Variants in PKN2 observed in about 807,000 individuals in gnomAD.
PKN2 encodes the protein serine/threonine-protein kinase N2.
PKN2 carries 38 observed loss-of-function variants against 119.1 expected under a neutral mutation model. That is an observed-to-expected ratio of 0.32 (90% CI 0.25 to 0.42). The LOEUF (loss-of-function observed/expected upper bound fraction) is 0.42. Ranked by LOEUF, PKN2 falls within the 10% of genes least tolerant of loss-of-function variation. The pLI is 1.00. For synonymous variants in PKN2, 390 were observed against 384.9 expected (o/e 1.01, Z -0.15); for missense variants, 850 against 1,165.1 (o/e 0.73, Z 3.94).
intron 16 of PKN2, among the ~76,000 whole-genome samples, chr1:88,819,644 C>G (rs1415579005): frequency 6.6e-6 from 1 of 152,122 alleles, no homozygotes; most frequent in Admixed American, 6.5e-5. Flanking sequence ...TATTATTTGA[C>G]CCAGCCATCC....
intron 1 of PKN2, among the ~76,000 whole-genome samples, chr1:88,728,115 T>C (rs925827621): frequency 6.6e-6 from 1 of 151,926 alleles, no homozygotes; most frequent in Non-Finnish European, 1.5e-5. Context: ...TCATATCTTG[T>C]CTTCCTCAAG....
chr1:88,749,819 A>T (rs1435704938), intron 2 of PKN2, among the ~76,000 whole-genome samples: 1 of 152,232 alleles, frequency 6.6e-6, no homozygotes, highest in Non-Finnish European at 1.5e-5. Flanking sequence ...TAACCTTATT[A>T]ATTTAGATTT....
chr1:88,784,759 T>G lies in PKN2; in HGVS notation c.1106T>G (p.Met369Arg). 1 of 1,612,956 alleles carries G rather than the reference T, an allele frequency of 6.2e-7. No homozygotes were observed. Residue 369 changes from methionine (M) to arginine (R), a missense_variant, in exon 7 of 22, where the codon ATG becomes AGG. Physicochemically the swap from Met to Arg is moderately conservative, Grantham distance 91. Around this residue, in one of 9 missense-constraint regions of PKN2, gnomAD observed 350 missense variants for 511.1 expected, o/e 0.68. Coordinates refer to ENST00000370521, the MANE Select transcript of PKN2 (RefSeq NM_006256.4). Reference sequence around the variant, plus strand: ...CCAAGTGAAACCAGATCATCTTTCATGAGCAGAACGAGTAAAAGTAAAAGC... The same window carrying G: ...CCAAGTGAAACCAGATCATCTTTCAGGAGCAGAACGAGTAAAAGTAAAAGC... ...WSPSETRSSF[M>R]SRTSKSKSGS...
Position 88,828,639 on chromosome 1 carries a change from T to C in PKN2, c.2562+16T>C. Reference sequence around the variant, plus strand: ...TGTTGGTGAGGTAAGCAGTGTGAAATAGGTAAGAGAACAGAGGAAGGATGA... The same window carrying C: ...TGTTGGTGAGGTAAGCAGTGTGAAACAGGTAAGAGAACAGAGGAAGGATGA... On this transcript the variant is annotated intron_variant, in intron 19 of 21. Coordinates refer to ENST00000370521, the MANE Select transcript of PKN2 (RefSeq NM_006256.4). The C allele has an allele frequency of 6.3e-7, 1 of 1,596,580 alleles. No individual in the cohort carries two copies. Among genetic ancestry groups the C allele is most frequent in the Non-Finnish European group, 8.6e-7 (1 of 1,166,760 alleles).
chr1:88,735,463 A>ATTT (rs35330484), intron 1 of PKN2, among the ~76,000 whole-genome samples: 6 of 150,730 alleles, frequency 4.0e-5, no homozygotes, highest in South Asian at 2.1e-4. Flanking sequence ...TTCCTGGCCT[A>ATTT]TTTTTTTTTA....
chr1:88,766,612 G>A (rs1388482233), intron 3 of PKN2, among the ~76,000 whole-genome samples: 1 of 151,950 alleles, frequency 6.6e-6, no homozygotes, highest in African/African-American at 2.4e-5. Flanking sequence ...TGTTTTTTTA[G>A]TTCAAAATCA....
intron 1 of PKN2, 141 bp from the exon 2 acceptor site, chr1:88,740,847 C>T: frequency 2.0e-6 from 1 of 506,220 alleles, no homozygotes; most frequent in Non-Finnish European, 3.4e-6. Context: ...AGTAGTTGGT[C>T]TATTGCTTAT....
At chr1:88,794,350 A>G (rs1418323334) in intron 8 of PKN2, among the ~76,000 whole-genome samples, 2 of 150,728 alleles carry the variant, frequency 1.3e-5, no homozygotes, top group Non-Finnish European at 2.9e-5. Context: ...CTGGGCAACA[A>G]GAGCGAAATT....
In PKN2 at chr1:88,754,606, G is replaced by A. The variant is rs147963547; in HGVS notation, c.350-5616G>A. Among the ~76,000 whole-genome samples, 135 of 152,344 alleles carry A rather than the reference G, an allele frequency of 8.9e-4. 1 individual carries two copies. Among genetic ancestry groups the A allele is most frequent in the African/African-American group, 2.6e-3 (107 of 41,576 alleles). On this transcript the variant is annotated intron_variant, in intron 2 of 21. Coordinates refer to ENST00000370521, the MANE Select transcript of PKN2 (RefSeq NM_006256.4). ...CAGAATTTGACAAGGAAAAATAGTA[G>A]TGGAGAATTAGCTTGGAGCTAGATA... is the stretch of plus-strand genomic sequence containing the variant.
chr1:88,697,198 A>G (rs935277986), intron 1 of PKN2, among the ~76,000 whole-genome samples: 1 of 152,126 alleles, frequency 6.6e-6, no homozygotes, highest in Admixed American at 6.5e-5. Flanking sequence ...TAATATGGTA[A>G]TTGTTACATG....
chr1:88,765,944 TG>T (rs971649718), intron 3 of PKN2, among the ~76,000 whole-genome samples: 1 of 152,194 alleles, frequency 6.6e-6, no homozygotes, highest in African/African-American at 2.4e-5. Flanking sequence ...CCTGAGTAGC[TG>T]GGATTACAGG....
intron 19 of PKN2, among the ~76,000 whole-genome samples, chr1:88,829,927 C>A (rs1394484349): frequency 1.3e-5 from 2 of 152,146 alleles, no homozygotes; most frequent in African/African-American, 4.8e-5. Context: ...GGATGGATAA[C>A]CCCTTTTGGT....
At chr1:88,739,361 T>C (rs1159841607) in intron 1 of PKN2, among the ~76,000 whole-genome samples, 1 of 152,078 alleles carries the variant, frequency 6.6e-6, no homozygotes, top group Non-Finnish European at 1.5e-5. Flanking sequence ...TTGCATAATA[T>C]ACCTGCAGGC....
chr1:88,767,293 A>C (rs147485403), intron 3 of PKN2, among the ~76,000 whole-genome samples: 1 of 152,234 alleles, frequency 6.6e-6, no homozygotes, highest in Non-Finnish European at 1.5e-5. Context: ...GAAAATAGGT[A>C]AATTGTCCAA....
chr1:88,799,523 C>T (rs1253764574), intron 8 of PKN2, among the ~76,000 whole-genome samples: 5 of 152,144 alleles, frequency 3.3e-5, no homozygotes, highest in African/African-American at 1.2e-4. Flanking sequence ...AATTACTTGG[C>T]TCTGACTTAC....
intron 2 of PKN2, among the ~76,000 whole-genome samples, chr1:88,754,199 C>A (rs1669110571): frequency 6.6e-6 from 1 of 152,026 alleles, no homozygotes; most frequent in South Asian, 2.1e-4. Flanking sequence ...CTATTTTCTT[C>A]CGAAACACCG....
At chr1:88,710,415 A>C (rs1044960237) in intron 1 of PKN2, among the ~76,000 whole-genome samples, 1 of 152,168 alleles carries the variant, frequency 6.6e-6, no homozygotes, top group East Asian at 1.9e-4. Context: ...ATTCTATGGT[A>C]TTTTTACATG....
intron 2 of PKN2, among the ~76,000 whole-genome samples, chr1:88,759,941 G>T (rs988062658): frequency 6.6e-6 from 1 of 152,110 alleles, no homozygotes; most frequent in Admixed American, 6.5e-5. Context: ...AATAGTGTTG[G>T]AGAAACCACG....
chr1:88,785,944 C>T (rs1670555157), intron 7 of PKN2, among the ~76,000 whole-genome samples, 160 bp from the exon 8 acceptor site: 1 of 152,126 alleles, frequency 6.6e-6, no homozygotes, highest in Admixed American at 6.5e-5. Flanking sequence ...GTATATGTAT[C>T]TGTAAAACTA....
Sources: gnomAD v4.1 joint callset for allele counts (sites outside exome capture counted in the v4.1 genomes callset) on GRCh38, gnomAD v4.1.1 for gene constraint, gnomAD v4.1.1 regional missense constraint, MANE v1.5 for transcripts, NCBI Gene and HGNC (gene_info 2026-07-23, HGNC 2026-07-21) for gene names.